The following SPEF2 variants were observed in gnomAD, a reference collection of about 807,000 sequenced individuals.
SPEF2 encodes sperm flagellar and cilia associated 2.
Under a neutral mutation model 224.6 loss-of-function variants are expected in SPEF2, and 187 were observed. The observed-to-expected ratio is 0.83, with a 90% CI of 0.74 to 0.94. The LOEUF (loss-of-function observed/expected upper bound fraction) is 0.94, where lower values mean the gene tolerates loss of function less well. Among genes scored for constraint, SPEF2 ranks in the 40% least tolerant of loss-of-function variants. SPEF2 has a pLI of 0.00. For synonymous variants in SPEF2, 715 were observed against 707.3 expected (o/e 1.01, Z -0.17); for missense variants, 2,170 against 2,135.6 (o/e 1.02, Z -0.32).
chr5:35,747,933 G>C (rs772107105), intron 23 of SPEF2, among the ~76,000 whole-genome samples: 4 of 152,046 alleles, frequency 2.6e-5, no homozygotes, highest in Non-Finnish European at 4.4e-5. Context: ...CATATGATAG[G>C]CTATAAAACA....
At chr5:35,665,716 C>T (rs1750380296) in intron 8 of SPEF2, among the ~76,000 whole-genome samples, 1 of 152,042 alleles carries the variant, frequency 6.6e-6, no homozygotes, top group African/African-American at 2.4e-5. Flanking sequence ...CTGAATTCTT[C>T]ACTTCATGAA....
At chr5:35,741,163 C>A (rs1747561849) in intron 23 of SPEF2, among the ~76,000 whole-genome samples, 1 of 151,958 alleles carries the variant, frequency 6.6e-6, no homozygotes, top group Non-Finnish European at 1.5e-5. Flanking sequence ...ACAGAATAAG[C>A]AATAAACAAA....
At chr5:35,771,465 G>T (rs898502351) in intron 26 of SPEF2, 144 bp from the exon 27 acceptor site, 44 of 1,007,246 alleles carry the variant, frequency 4.4e-5, no homozygotes, top group Non-Finnish European at 5.9e-5. Flanking sequence ...ACATGGTGGG[G>T]TGTGTTTTGT....
rs201245348 is a variant in SPEF2 at position 35,747,583 on chromosome 5, C to T, written c.3331-6041C>T. On this transcript the variant is annotated intron_variant, in intron 23 of 36. Coordinates refer to ENST00000356031, the MANE Select transcript of SPEF2 (RefSeq NM_024867.4). Reference sequence around the variant, plus strand: ...TTAAAGCAACACCAGTTAAAAGAGACAAAGAGGGACATTATATAACGGTAA... The same window carrying T: ...TTAAAGCAACACCAGTTAAAAGAGATAAAGAGGGACATTATATAACGGTAA... 2.8e-4 allele frequency among the ~76,000 whole-genome samples: 43 copies of T among 152,222 alleles called. No homozygotes were observed. In the East Asian group the frequency reaches 7.1e-3, roughly 25 times the overall value.
At chr5:35,708,706 AC>A (rs1561236764) in intron 18 of SPEF2, among the ~76,000 whole-genome samples, 1,235 of 7,368 alleles carry the variant, frequency 0.17, 4 homozygotes, top group Non-Finnish European at 0.19. Flanking sequence ...CATCACCACC[AC>A]TACCCATCAA....
At chr5:35,660,752 T>C (rs981562310) in intron 8 of SPEF2, among the ~76,000 whole-genome samples, 2 of 152,146 alleles carry the variant, frequency 1.3e-5, no homozygotes, top group African/African-American at 4.8e-5. Context: ...ATTTGAAAAA[T>C]ATGTTTATTT....
At chr5:35,710,057 G>T (rs1458195657) in intron 19 of SPEF2, 5 of 979,674 alleles carry the variant, frequency 5.1e-6, no homozygotes, top group Non-Finnish European at 6.1e-6. Context: ...GATATATTAT[G>T]ATATATTAAA....
chr5:35,790,583 G>A (rs545432836), intron 30 of SPEF2: 50 of 361,376 alleles, frequency 1.4e-4, no homozygotes, highest in African/African-American at 9.8e-4. Flanking sequence ...CTTCACTTAT[G>A]TATTCCTGTG....
chr5:35,758,401 C>A (rs753158995), intron 24 of SPEF2, among the ~76,000 whole-genome samples: 1 of 152,194 alleles, frequency 6.6e-6, no homozygotes, highest in East Asian at 1.9e-4. Context: ...TGTCCTAAAC[C>A]GAATGGGAGA....
intron 30 of SPEF2, among the ~76,000 whole-genome samples, chr5:35,784,842 G>A (rs1754878253): frequency 6.6e-6 from 1 of 152,054 alleles, no homozygotes; most frequent in South Asian, 2.1e-4. Context: ...GATTGGAGCA[G>A]GGAAGAGGCT....
At position 35,814,559 on chromosome 5, in the gene SPEF2, A is replaced by C; in HGVS notation, c.*6A>C. 1 of 1,571,362 alleles carries C rather than the reference A, an allele frequency of 6.4e-7. No individual in the cohort carries two copies. The highest frequency in any genetic ancestry group is 2.3e-5 in the East Asian group (1 of 43,928). The stretch of plus-strand genomic sequence containing the variant: ...ATACAGAGGAAAAGAAATGAAGACA[A>C]AAGAGTGTGATTTTTTTAATTCTGC... On this transcript the variant is annotated 3_prime_UTR_variant, in exon 37 of 37. Transcript: ENST00000356031.
chr5:35,727,671 T>TA lies in SPEF2; in HGVS notation c.2915-2dup, dbSNP rs781252967. 2 of 1,612,312 alleles carry TA rather than the reference T, an allele frequency of 1.2e-6. No homozygotes were observed. The highest frequency in any genetic ancestry group is 2.2e-5 in the South Asian group (2 of 90,846). ...ATTGGAATAATTTGATATGCATGTT[T>TA]AAGGTTCTCCTAAAGGAAAATCATC... On this transcript the variant is annotated splice_polypyrimidine_tract_variant and splice_region_variant and intron_variant, in intron 20 of 36. Coordinates refer to ENST00000356031, the MANE Select transcript of SPEF2 (RefSeq NM_024867.4).
intron 3 of SPEF2, among the ~76,000 whole-genome samples, chr5:35,642,484 G>C (rs147447227): frequency 6.6e-6 from 1 of 152,122 alleles, no homozygotes; most frequent in African/African-American, 2.4e-5. Flanking sequence ...TACTGATATT[G>C]TTGGCTAACT....
At chr5:35,763,386 T>C in intron 25 of SPEF2, 136 bp from the exon 26 acceptor site, 1 of 836,448 alleles carries the variant, frequency 1.2e-6, no homozygotes, top group Non-Finnish European at 1.7e-6. Context: ...TTTTCTCCAT[T>C]AAAATAATTC....
chr5:35,641,547 C>G lies in SPEF2; in HGVS notation c.278C>G (p.Ala93Gly). 1.2e-6 allele frequency: 2 copies of G among 1,613,610 alleles called. No individual in the cohort carries two copies. Among genetic ancestry groups the G allele is most frequent in the Non-Finnish European group, 1.7e-6 (2 of 1,179,804 alleles). The change falls in exon 3 of 37, where the codon GCA becomes GGA. Residue 93 changes from alanine (A) to glycine (G), a missense_variant. By Grantham distance (60) the Ala-to-Gly change is moderately conservative. Transcript: ENST00000356031. ...HGIITEKPGV[A>G]TKLLYQLYIA... ...ATCATCACAGAAAAGCCTGGGGTGG[C>G]AACAAAGCTGTTATATCAATTGTAC...
intron 18 of SPEF2, among the ~76,000 whole-genome samples, chr5:35,706,103 A>G (rs1225267714): frequency 6.6e-6 from 1 of 151,802 alleles, no homozygotes; most frequent in Non-Finnish European, 1.5e-5. Flanking sequence ...GTTAATTCAC[A>G]TTTTATTCTC....
intron 23 of SPEF2, among the ~76,000 whole-genome samples, chr5:35,749,354 G>A (rs866488874): frequency 2.6e-4 from 40 of 152,200 alleles, no homozygotes; most frequent in Middle Eastern, 6.8e-3. Context: ...CCTAGCCAGA[G>A]CAATCAGACT....
At chr5:35,664,698 A>AAG (rs3069747) in intron 8 of SPEF2, among the ~76,000 whole-genome samples, 11,793 of 138,858 alleles carry the variant, frequency 0.085, 827 homozygotes, top group African/African-American at 0.18. Flanking sequence ...GAAGGGAAAG[A>AAG]AGAGAGAGAG....
Position 35,753,692 on chromosome 5 carries a change from C to T in SPEF2, c.3399C>T (p.Asp1133=). Residue 1133 remains aspartate, a synonymous_variant, in exon 24 of 37, where the codon GAC becomes GAT. Coordinates refer to ENST00000356031, the MANE Select transcript of SPEF2 (RefSeq NM_024867.4). ...RKEEAEQERL[D]IINESWLQDT... Reference sequence around the variant, plus strand: ...AAGAGGCGGAGCAGGAGCGGCTTGACATCATTAATGAGAGCTGGTTACAGG... The same window carrying T: ...AAGAGGCGGAGCAGGAGCGGCTTGATATCATTAATGAGAGCTGGTTACAGG... 1.2e-6 allele frequency: 2 copies of T among 1,614,084 alleles called. No homozygotes were observed. The highest frequency in any genetic ancestry group is 1.7e-6 in the Non-Finnish European group (2 of 1,180,008).
Sources: allele counts gnomAD v4.1 joint callset (sites outside exome capture counted in the v4.1 genomes callset), GRCh38; gene constraint gnomAD v4.1.1; transcripts MANE v1.5; gene names NCBI Gene and HGNC (gene_info 2026-07-23, HGNC 2026-07-21).